PAPPA2: variants seen among roughly 807,000 people sequenced by gnomAD.
PAPPA2 encodes pappalysin-2.
PAPPA2 carries 86 observed loss-of-function variants against 176.4 expected under a neutral mutation model. That is an observed-to-expected ratio of 0.49 (90% CI 0.41 to 0.58). The LOEUF (loss-of-function observed/expected upper bound fraction) is 0.58, where lower values mean the gene tolerates loss of function less well. PAPPA2 is among the 20% of genes least tolerant of loss of function. PAPPA2 has a pLI of 0.00. For missense variants in PAPPA2, 2,073 were observed against 2,256.9 expected (o/e 0.92, Z 1.65); for synonymous variants, 809 against 852.2 (o/e 0.95, Z 0.88).
Position 176,842,397 on chromosome 1 carries a change from T to C in PAPPA2, c.5319T>C (p.Ala1773=), listed in dbSNP as rs751688691. The C allele has an allele frequency of 6.2e-7, 1 of 1,613,368 alleles. No homozygotes were observed. Among genetic ancestry groups the C allele is most frequent in the Admixed American group, 1.7e-5 (1 of 59,940 alleles). ...LSSKKVIPFA[A]DCDLDECTCR... ...TCCCCTAGGTCATTCCATTTGCTGC[T>C]GACTGTGACCTGGATGAGTGCACCT... Residue 1773 remains alanine (A), a synonymous_variant, in exon 23 of 23, where the codon GCT becomes GCC. Transcript: ENST00000367662.
chr1:176,698,360 C>T (rs570542560), intron 7 of PAPPA2, among the ~76,000 whole-genome samples: 2 of 152,322 alleles, frequency 1.3e-5, no homozygotes, highest in African/African-American at 2.4e-5. Flanking sequence ...TCTGCTAGTT[C>T]TCGATTCAAC....
intron 3 of PAPPA2, among the ~76,000 whole-genome samples, chr1:176,644,311 C>G (rs1657269459): frequency 6.6e-6 from 1 of 151,730 alleles, no homozygotes; most frequent in South Asian, 2.1e-4. Context: ...CAGAAGGGCC[C>G]AAAGAGCTTT....
intron 3 of PAPPA2, among the ~76,000 whole-genome samples, chr1:176,600,675 CA>C (rs749068016): frequency 0.26 from 20,606 of 80,434 alleles, 1,022 homozygotes; most frequent in South Asian, 0.39. Flanking sequence ...GACTCCGTCT[CA>C]AAAAAAAAAA....
chr1:176,508,285 A>G (rs192635314), intron 1 of PAPPA2, among the ~76,000 whole-genome samples: 1 of 152,344 alleles, frequency 6.6e-6, no homozygotes, highest in African/African-American at 2.4e-5. Flanking sequence ...TATCCAGTAA[A>G]ATAAATCAGT....
chr1:176,763,104 G>A (rs1663771923), intron 14 of PAPPA2, among the ~76,000 whole-genome samples: 1 of 152,166 alleles, frequency 6.6e-6, no homozygotes, highest in African/African-American at 2.4e-5. Context: ...AAGGTAGTAT[G>A]TGCATATTCA....
intron 12 of PAPPA2, among the ~76,000 whole-genome samples, chr1:176,716,731 C>T (rs2102843229): frequency 6.6e-6 from 1 of 151,594 alleles, no homozygotes; most frequent in East Asian, 1.9e-4. Context: ...CCTGCCTCAG[C>T]CTCCCGAGTA....
At chr1:176,644,119 C>T (rs770658081) in intron 3 of PAPPA2, among the ~76,000 whole-genome samples, 11 of 151,788 alleles carry the variant, frequency 7.2e-5, no homozygotes, top group Non-Finnish European at 1.6e-4. Context: ...CAAAAATTAT[C>T]CTCTCAAAAG....
At chr1:176,549,306 G>A (rs1349761354) in intron 1 of PAPPA2, among the ~76,000 whole-genome samples, 1 of 152,154 alleles carries the variant, frequency 6.6e-6, no homozygotes, top group African/African-American at 2.4e-5. Flanking sequence ...CAAAATAAAT[G>A]TCATAGGTGC....
intron 2 of PAPPA2, among the ~76,000 whole-genome samples, chr1:176,564,208 G>A (rs1373858041): frequency 6.6e-6 from 1 of 152,154 alleles, no homozygotes; most frequent in African/African-American, 2.4e-5. Flanking sequence ...CAGGCTTCAG[G>A]TGCTGTTGCT....
chr1:176,718,742 T>C (rs1206232147), intron 12 of PAPPA2, among the ~76,000 whole-genome samples: 1 of 151,662 alleles, frequency 6.6e-6, no homozygotes, highest in Non-Finnish European at 1.5e-5. Context: ...TCTTCTGTGG[T>C]CAAAAGTATA....
rs541809992 is a variant in PAPPA2, at chr1:176,760,949, G to C, written c.4152-4717G>C. Among the ~76,000 whole-genome samples, 5 of 152,150 alleles carry C rather than the reference G, an allele frequency of 3.3e-5. No individual in the cohort carries two copies. In the East Asian group the frequency reaches 9.7e-4, roughly 29 times the overall value. On this transcript the variant is annotated intron_variant, in intron 14 of 22. Coordinates refer to ENST00000367662, the MANE Select transcript of PAPPA2 (RefSeq NM_020318.3). ...CCATTCTCCTGTCTCAGCCTCCCGG[G>C]TAGCTGGGACTACAGGCGCCTGCCA...
intron 21 of PAPPA2, among the ~76,000 whole-genome samples, chr1:176,826,451 T>C (rs964428507): frequency 6.6e-6 from 1 of 152,160 alleles, no homozygotes; most frequent in African/African-American, 2.4e-5. Flanking sequence ...AAAGGGAATG[T>C]AAACAAGACA....
intron 1 of PAPPA2, among the ~76,000 whole-genome samples, chr1:176,537,572 A>G (rs2102560618): frequency 6.6e-6 from 1 of 152,360 alleles, no homozygotes; most frequent in African/African-American, 2.4e-5. Flanking sequence ...ACAGAATGGA[A>G]TAGACCTTGC....
chr1:176,804,534 C>A (rs1665813706), intron 21 of PAPPA2, among the ~76,000 whole-genome samples: 1 of 152,148 alleles, frequency 6.6e-6, no homozygotes, highest in African/African-American at 2.4e-5. Context: ...TCCTCTTGAT[C>A]TTTCAACACA....
At chr1:176,755,099 T>C (rs1342010809) in intron 14 of PAPPA2, among the ~76,000 whole-genome samples, 1 of 152,136 alleles carries the variant, frequency 6.6e-6, no homozygotes. Context: ...GCAAAAGAAC[T>C]GAAGACAATA....
At chr1:176,719,375 G>A (rs1259507037) in intron 12 of PAPPA2, among the ~76,000 whole-genome samples, 2 of 152,006 alleles carry the variant, frequency 1.3e-5, no homozygotes, top group South Asian at 2.1e-4. Context: ...CAAAACTTAC[G>A]AAGAATACTT....
At chr1:176,471,904 C>T (rs996894305) in intron 1 of PAPPA2, among the ~76,000 whole-genome samples, 8 of 152,126 alleles carry the variant, frequency 5.3e-5, no homozygotes, top group Admixed American at 1.3e-4. Context: ...GTATTTCCTG[C>T]GAACTGGCAG....
Position 176,556,023 on chromosome 1 carries a change from C to A in PAPPA2, c.-300C>A. On this transcript the variant is annotated 5_prime_UTR_variant, in exon 2 of 23. Transcript: ENST00000367662. ...CTTTCTGGGAGGAAATTCAAAGGAACCAAGAGAAATTAACTTCGTTCTGCA... is the reference window on the plus strand; with the variant it reads ...CTTTCTGGGAGGAAATTCAAAGGAAACAAGAGAAATTAACTTCGTTCTGCA... The A allele has an allele frequency of 3.2e-6, 1 of 310,834 alleles. No individual in the cohort carries two copies. Among genetic ancestry groups the A allele is most frequent in the Non-Finnish European group, 5.9e-6 (1 of 169,582 alleles). The allele number at this position is 310,834 out of a possible 1,614,324, so 19.3% of individuals were successfully genotyped here.
chr1:176,535,275 G>A (rs1650010262), intron 1 of PAPPA2, among the ~76,000 whole-genome samples: 1 of 152,156 alleles, frequency 6.6e-6, no homozygotes, highest in Non-Finnish European at 1.5e-5. Context: ...TGAGGCAGAA[G>A]CATGTGTTGA....
Sources: allele counts gnomAD v4.1 joint callset (sites outside exome capture counted in the v4.1 genomes callset), GRCh38; gene constraint gnomAD v4.1.1; transcripts MANE v1.5; gene names NCBI Gene and HGNC (gene_info 2026-07-23, HGNC 2026-07-21).